EXOSC4: variants seen among roughly 807,000 people sequenced by gnomAD.
EXOSC4 encodes exosome complex component RRP41.
In EXOSC4, 14 loss-of-function variants were observed where a neutral mutation model predicts 20.0. That is an observed-to-expected ratio of 0.70 (90% CI 0.46 to 1.09). EXOSC4 has a LOEUF of 1.09. Ranked by LOEUF, EXOSC4 falls within the 50% of genes least tolerant of loss-of-function variation. The pLI is 0.00. For missense variants in EXOSC4, 337 were observed against 334.0 expected (o/e 1.01, Z -0.07); for synonymous variants, 148 against 146.4 (o/e 1.01, Z -0.08).
the EXOSC4 span, among the ~76,000 whole-genome samples, chr8:144,065,674 G>A: frequency 6.6e-6 from 1 of 152,134 alleles, no homozygotes; most frequent in Non-Finnish European, 1.5e-5. Context: ...GGCAGAGGTT[G>A]CAGTGAGCTG....
At chr8:144,079,379 C>T (rs782186846) in intron 1 of EXOSC4, 1 of 230,774 alleles carries the variant, frequency 4.3e-6, no homozygotes, top group Non-Finnish European at 8.8e-6. Context: ...ACTGTGCTTC[C>T]AGCGCTGTAA....
the EXOSC4 span, among the ~76,000 whole-genome samples, chr8:144,068,396 AT>A: frequency 6.6e-6 from 1 of 152,200 alleles, no homozygotes; most frequent in South Asian, 2.1e-4. Flanking sequence ...AAACCTCGCC[AT>A]TCTTCAGTTG....
rs782625031 is a variant in EXOSC4, at chr8:144,080,267, A to G, written c.404A>G (p.Tyr135Cys). ...GTGCTACAGGCAGATGGTGGGACCT[A>G]TGCAGCTTGTGTGAATGCAGCCACG... ...VQVLQADGGT[Y>C]AACVNAATLA... Residue 135 changes from tyrosine (Y) to cysteine (C), a missense_variant, in exon 3 of 3, where the codon TAT (tyrosine) becomes TGT (cysteine). Transcript: ENST00000316052. The surrounding 1 kb of genome is among the most constrained non-coding windows in gnomAD (Gnocchi z 4.9). 10 of 1,613,766 alleles carry G rather than the reference A, an allele frequency of 6.2e-6. No individual in the cohort carries two copies. Among genetic ancestry groups the G allele is most frequent in the East Asian group, 4.5e-5 (2 of 44,902 alleles).
At position 144,078,805 on chromosome 8, in the gene EXOSC4, AGG is replaced by A. The variant is rs782601875; in HGVS notation, c.78_79del (p.Gln26HisfsTer10). ...CGCGCCGGGGAGCTGCGCAAGATCC[AGG>A]CGCGGATGGGCGTGTTCGCGCAGGC... On this transcript the variant is annotated frameshift_variant, in exon 1 of 3. Coordinates refer to ENST00000316052, the MANE Select transcript of EXOSC4 (RefSeq NM_019037.3). LOFTEE classifies it high-confidence loss of function. This position sits in a 1 kb window ranked among gnomAD's most constrained non-coding sequence, Gnocchi z 4.7. 2.5e-5 allele frequency: 40 copies of A among 1,574,866 alleles called. No individual in the cohort carries two copies. Among genetic ancestry groups the A allele is most frequent in the Non-Finnish European group, 2.8e-5 (33 of 1,163,248 alleles).
At chr8:144,070,689 A>G in the EXOSC4 span, among the ~76,000 whole-genome samples, 1 of 147,702 alleles carries the variant, frequency 6.8e-6, no homozygotes, top group Non-Finnish European at 1.5e-5. Context: ...TTAGCCGGGC[A>G]TGGTGGCGCA....
the EXOSC4 span, among the ~76,000 whole-genome samples, chr8:144,067,465 T>C: frequency 2.6e-5 from 4 of 151,846 alleles, no homozygotes; most frequent in Non-Finnish European, 5.9e-5. Context: ...CTTCCAGGAG[T>C]TGACATATCA....
the EXOSC4 span, among the ~76,000 whole-genome samples, chr8:144,067,609 G>T: frequency 6.6e-6 from 1 of 152,206 alleles, no homozygotes; most frequent in Non-Finnish European, 1.5e-5. Context: ...GTGGAGACCA[G>T]AAGACTCAAA....
At chr8:144,075,653 C>T (rs1009193682), upstream of EXOSC4, among the ~76,000 whole-genome samples, 23 of 152,260 alleles carry the variant, frequency 1.5e-4, no homozygotes, top group Admixed American at 2.0e-4. Context: ...GGATTACAAG[C>T]GCGAGCACCG....
rs552838692 is a variant in EXOSC4 at position 144,079,783 on chromosome 8, C to T, written c.172-160C>T. ...AATTAAAAGGTGCCAGAGGGCGACA[C>T]ATGCAAGACAGAGAGCGCAAAACAG... On this transcript the variant is annotated intron_variant, in intron 1 of 2. Coordinates refer to ENST00000316052, the MANE Select transcript of EXOSC4 (RefSeq NM_019037.3). The T allele has an allele frequency of 1.2e-3, 967 of 788,664 alleles. 26 individuals carry two copies. In the South Asian group the frequency reaches 0.013, roughly 10 times the overall value. The allele number at this position is 788,664 out of a possible 1,614,324, so 48.9% of individuals were successfully genotyped here.
At chr8:144,068,832 C>T in the EXOSC4 span, among the ~76,000 whole-genome samples, 1 of 152,166 alleles carries the variant, frequency 6.6e-6, no homozygotes, top group African/African-American at 2.4e-5. Flanking sequence ...AGGGACACGC[C>T]GAGAAGACGA....
chr8:144,069,412 G>A, the EXOSC4 span, among the ~76,000 whole-genome samples: 1 of 152,250 alleles, frequency 6.6e-6, no homozygotes, highest in East Asian at 1.9e-4. Flanking sequence ...GAGGAAAGCA[G>A]GTGCCCTGCC....
the EXOSC4 span, among the ~76,000 whole-genome samples, chr8:144,066,633 A>G: frequency 6.6e-6 from 1 of 151,194 alleles, no homozygotes; most frequent in African/African-American, 2.4e-5. Flanking sequence ...TAGTAGAGAC[A>G]GGGTTTCACC....
chr8:144,070,201 G>C, the EXOSC4 span, among the ~76,000 whole-genome samples: 1 of 152,162 alleles, frequency 6.6e-6, no homozygotes, highest in Non-Finnish European at 1.5e-5. Context: ...AATGGTCAAG[G>C]CCCTCTGATT....
the EXOSC4 span, among the ~76,000 whole-genome samples, chr8:144,072,516 C>A: frequency 5.3e-5 from 8 of 152,080 alleles, no homozygotes; most frequent in African/African-American, 1.9e-4. Flanking sequence ...GTATGTTTAC[C>A]TACCCATTAA....
At chr8:144,067,729 C>T in the EXOSC4 span, among the ~76,000 whole-genome samples, 1 of 152,290 alleles carries the variant, frequency 6.6e-6, no homozygotes, top group East Asian at 1.9e-4. Context: ...ATGTGTTGGC[C>T]GGGCACAGTG....
At chr8:144,068,115 A>G in the EXOSC4 span, among the ~76,000 whole-genome samples, 1 of 152,136 alleles carries the variant, frequency 6.6e-6, no homozygotes, top group African/African-American at 2.4e-5. Flanking sequence ...TAATGCCACC[A>G]TTTTTTGAAC....
upstream of EXOSC4, among the ~76,000 whole-genome samples, chr8:144,074,683 G>C (rs763092229): frequency 6.6e-6 from 1 of 152,042 alleles, no homozygotes; most frequent in African/African-American, 2.4e-5. Flanking sequence ...CCACCCTCCC[G>C]TCTCAGTCTC....
chr8:144,069,914 G>A, the EXOSC4 span, among the ~76,000 whole-genome samples: 1 of 152,192 alleles, frequency 6.6e-6, no homozygotes, highest in Non-Finnish European at 1.5e-5. Flanking sequence ...AGCACTAAAC[G>A]CCAGGGTGAC....
At chr8:144,071,872 G>A in the EXOSC4 span, among the ~76,000 whole-genome samples, 3 of 151,964 alleles carry the variant, frequency 2.0e-5, no homozygotes, top group East Asian at 2.0e-4. Context: ...CTCAGCTACC[G>A]GGGAGGCTGA....
Sources: allele counts gnomAD v4.1 joint callset (sites outside exome capture counted in the v4.1 genomes callset), GRCh38; gene constraint gnomAD v4.1.1; non-coding constraint Gnocchi (gnomAD v3.1); transcripts MANE v1.5; gene names NCBI Gene and HGNC (gene_info 2026-07-23, HGNC 2026-07-21).